The following ARB2A variants were observed in gnomAD, a reference collection of about 807,000 sequenced individuals.
The protein encoded by ARB2A is ARB2 cotranscriptional regulator A.
the ARB2A span, among the ~76,000 whole-genome samples, chr5:93,925,281 C>T: frequency 6.6e-6 from 1 of 152,166 alleles, no homozygotes; most frequent in Non-Finnish European, 1.5e-5. Context: ...CATTTACACA[C>T]AGCATTGTAC....
At chr5:93,946,399 G>A in the ARB2A span, among the ~76,000 whole-genome samples, 14 of 152,082 alleles carry the variant, frequency 9.2e-5, no homozygotes, top group Non-Finnish European at 1.3e-4. Flanking sequence ...CAAAAATTAA[G>A]AGACGAATGA....
the ARB2A span, among the ~76,000 whole-genome samples, chr5:93,819,752 T>TA: frequency 4.7e-4 from 72 of 152,312 alleles, no homozygotes; most frequent in Non-Finnish European, 9.0e-4. Context: ...CCAGGCAATT[T>TA]AAAAAAATCT....
the ARB2A span, among the ~76,000 whole-genome samples, chr5:93,702,761 C>T: frequency 3.3e-5 from 5 of 152,208 alleles, no homozygotes; most frequent in East Asian, 9.7e-4. Flanking sequence ...CCTGGGTTCT[C>T]AGATGTAAGC....
the ARB2A span, among the ~76,000 whole-genome samples, chr5:93,961,455 A>G: frequency 6.6e-6 from 1 of 152,162 alleles, no homozygotes; most frequent in African/African-American, 2.4e-5. Flanking sequence ...ATGCTGCTCG[A>G]TAAAGGACCA....
chr5:93,667,278 C>T, the ARB2A span, among the ~76,000 whole-genome samples: 1 of 152,148 alleles, frequency 6.6e-6, no homozygotes, highest in African/African-American at 2.4e-5. Flanking sequence ...TTAATTTCCC[C>T]ACCTCTGGCT....
the ARB2A span, among the ~76,000 whole-genome samples, chr5:93,691,889 GA>G: frequency 1.3e-5 from 2 of 152,124 alleles, no homozygotes; most frequent in Non-Finnish European, 2.9e-5. Context: ...TTAAATGAAA[GA>G]ATTTTCAACC....
the ARB2A span, among the ~76,000 whole-genome samples, chr5:94,109,232 A>G: frequency 6.6e-6 from 1 of 152,234 alleles, no homozygotes; most frequent in Non-Finnish European, 1.5e-5. Flanking sequence ...GAGTAGTCAA[A>G]TTCATAGAGG....
At chr5:93,858,189 T>C in the ARB2A span, among the ~76,000 whole-genome samples, 60 of 152,316 alleles carry the variant, frequency 3.9e-4, 1 homozygote, top group Middle Eastern at 3.4e-3. Context: ...AAAAGTTGTG[T>C]ACCAGGGAAG....
At chr5:93,849,944 T>TA in the ARB2A span, among the ~76,000 whole-genome samples, 1 of 152,194 alleles carries the variant, frequency 6.6e-6, no homozygotes, top group Non-Finnish European at 1.5e-5. Flanking sequence ...CTGTATTTGA[T>TA]ATTGTGCAAA....
At chr5:93,736,453 C>T in the ARB2A span, 1 of 152,160 alleles carries the variant, frequency 6.6e-6, no homozygotes, top group African/African-American at 2.4e-5. Context: ...TACATCTGGG[C>T]TACTTCATGT....
the ARB2A span, among the ~76,000 whole-genome samples, chr5:93,637,488 T>C: frequency 6.6e-6 from 1 of 150,688 alleles, no homozygotes; most frequent in Non-Finnish European, 1.5e-5. Context: ...ATAAATGCAA[T>C]AATGCAATTG....
chr5:94,011,528 A>G, the ARB2A span, among the ~76,000 whole-genome samples: 1 of 152,182 alleles, frequency 6.6e-6, no homozygotes, highest in Non-Finnish European at 1.5e-5. Context: ...TAATAACTAA[A>G]TGAATGAATG....
chr5:93,682,786 C>G, the ARB2A span: 1 of 958,392 alleles, frequency 1.0e-6, no homozygotes, highest in Admixed American at 1.7e-5. Flanking sequence ...CAACTGTTAA[C>G]AGAAATGAAA....
chr5:93,810,893 T>C, the ARB2A span, among the ~76,000 whole-genome samples: 2 of 152,104 alleles, frequency 1.3e-5, no homozygotes, highest in Non-Finnish European at 2.9e-5. Context: ...TTCTGTGGGT[T>C]AGTTTCCTCA....
the ARB2A span, among the ~76,000 whole-genome samples, chr5:93,976,930 A>T: frequency 6.6e-6 from 1 of 152,164 alleles, no homozygotes; most frequent in Non-Finnish European, 1.5e-5. Flanking sequence ...AAATCGAAAC[A>T]CAAAAATTAG....
the ARB2A span, among the ~76,000 whole-genome samples, chr5:93,879,784 CA>C: frequency 1.6e-4 from 24 of 149,250 alleles, no homozygotes; most frequent in African/African-American, 4.4e-4. Flanking sequence ...ATGTCACAGG[CA>C]AAAAAAAATT....
chr5:93,803,185 T>C, the ARB2A span, among the ~76,000 whole-genome samples: 6 of 152,216 alleles, frequency 3.9e-5, no homozygotes, highest in Admixed American at 6.6e-5. Flanking sequence ...TGGTGGAACA[T>C]GTGCAGTTTA....
the ARB2A span, among the ~76,000 whole-genome samples, chr5:93,851,906 A>G: frequency 1.3e-5 from 2 of 152,202 alleles, no homozygotes; most frequent in Non-Finnish European, 1.5e-5. Context: ...TAGTGCCGCA[A>G]TAAACATACA....
At chr5:93,810,614 G>A in the ARB2A span, among the ~76,000 whole-genome samples, 1 of 151,884 alleles carries the variant, frequency 6.6e-6, no homozygotes, top group Admixed American at 6.6e-5. Flanking sequence ...ATGTTTTCGG[G>A]GCTGGCTGGT....
Sources: gnomAD v4.1 joint callset for allele counts (sites outside exome capture counted in the v4.1 genomes callset) on GRCh38, gnomAD v4.1.1 for gene constraint, MANE v1.5 for transcripts, NCBI Gene and HGNC (gene_info 2026-07-23, HGNC 2026-07-21) for gene names.